The following GALNT17 variants were observed in gnomAD, a reference collection of about 807,000 sequenced individuals.
GALNT17 encodes polypeptide N-acetylgalactosaminyltransferase 17, also known as UDP-GalNAc:polypeptide N-acetylgalactosaminyltransferase-like 3.
In GALNT17, 29 loss-of-function variants were observed where a neutral mutation model predicts 63.7. The observed-to-expected ratio is 0.46, with a 90% CI of 0.34 to 0.62. The LOEUF (loss-of-function observed/expected upper bound fraction) is 0.62. Ranked by LOEUF, GALNT17 falls within the 20% of genes least tolerant of loss-of-function variation. The pLI, the probability that GALNT17 is intolerant of heterozygous loss-of-function variation, is 0.01. For missense variants in GALNT17, 603 were observed against 799.6 expected (o/e 0.75, Z 2.97); for synonymous variants, 305 against 318.3 (o/e 0.96, Z 0.45).
At chr7:71,376,101 A>AAAAAG (rs772083867) in intron 2 of GALNT17, among the ~76,000 whole-genome samples, 1 of 141,550 alleles carries the variant, frequency 7.1e-6, no homozygotes, top group East Asian at 2.5e-4. Context: ...AAAGAAAAAG[A>AAAAAG]AAAAAAAGAA....
chr7:71,264,349 T>C (rs906130863), intron 1 of GALNT17, among the ~76,000 whole-genome samples: 1 of 152,168 alleles, frequency 6.6e-6, no homozygotes, highest in African/African-American at 2.4e-5. Flanking sequence ...TCTAGTCTTA[T>C]ATAGGCAGAT....
chr7:71,625,719 A>G (rs1790364231), intron 6 of GALNT17, among the ~76,000 whole-genome samples: 1 of 152,144 alleles, frequency 6.6e-6, no homozygotes, highest in African/African-American at 2.4e-5. Flanking sequence ...TGACTTCAGC[A>G]GTCTCCAAAG....
At chr7:71,601,498 G>A (rs1324897305) in intron 6 of GALNT17, among the ~76,000 whole-genome samples, 1 of 152,100 alleles carries the variant, frequency 6.6e-6, no homozygotes, top group Non-Finnish European at 1.5e-5. Flanking sequence ...GAGGGGGTGA[G>A]TTGGTAGAAA....
At chr7:71,504,518 ATTTACATAT>A (rs916075217) in intron 5 of GALNT17, among the ~76,000 whole-genome samples, 4 of 152,260 alleles carry the variant, frequency 2.6e-5, no homozygotes, top group African/African-American at 9.6e-5. Flanking sequence ...TGGTTTACTT[ATTTACATAT>A]TTTACATAGT....
chr7:71,573,286 A>G (rs1789481053), intron 6 of GALNT17, among the ~76,000 whole-genome samples: 2 of 151,850 alleles, frequency 1.3e-5, no homozygotes, highest in Non-Finnish European at 2.9e-5. Flanking sequence ...CTGGGATTAC[A>G]GACATGAGCT....
intron 5 of GALNT17, among the ~76,000 whole-genome samples, chr7:71,504,917 C>A (rs749987684): frequency 5.3e-5 from 8 of 152,150 alleles, no homozygotes; most frequent in Non-Finnish European, 7.3e-5. Context: ...TCCCCTGGGT[C>A]TCTCTGCTGT....
chr7:71,706,272 C>CCTGCATGG (rs964427803), intron 9 of GALNT17, among the ~76,000 whole-genome samples: 1 of 152,174 alleles, frequency 6.6e-6, no homozygotes, highest in East Asian at 1.9e-4. Flanking sequence ...CCCAGCCTAC[C>CCTGCATGG]CTGCATGGCT....
chr7:71,603,822 G>A (rs1346686916), intron 6 of GALNT17, among the ~76,000 whole-genome samples: 11 of 152,118 alleles, frequency 7.2e-5, no homozygotes, highest in Non-Finnish European at 1.6e-4. Context: ...TATGCTAAGT[G>A]CATACACTGG....
Position 71,356,372 on chromosome 7 carries a change from C to T in GALNT17, c.422+20639C>T, listed in dbSNP as rs531545562. ...TGTCTGTGTTGCTGTCAAGGAATAC[C>T]TGAGGTTGGATAATTTATAAAGAAA... On this transcript the variant is annotated intron_variant, in intron 2 of 10. Transcript: ENST00000333538. Among the ~76,000 whole-genome samples the T allele has an allele frequency of 7.4e-4, 112 of 151,630 alleles. 1 individual carries two copies. The highest frequency in any genetic ancestry group is 2.7e-3 in the African/African-American group (112 of 41,488).
At chr7:71,296,533 T>C (rs1292413707) in intron 1 of GALNT17, among the ~76,000 whole-genome samples, 2 of 151,846 alleles carry the variant, frequency 1.3e-5, no homozygotes, top group South Asian at 2.1e-4. Flanking sequence ...GGAGAATCAC[T>C]TGAACCCAGG....
At chr7:71,593,643 G>A (rs957652334) in intron 6 of GALNT17, among the ~76,000 whole-genome samples, 2 of 152,110 alleles carry the variant, frequency 1.3e-5, no homozygotes, top group African/African-American at 4.8e-5. Flanking sequence ...TTCTTCAATG[G>A]AGACCCATAT....
chr7:71,609,965 T>C (rs1323062517), intron 6 of GALNT17, among the ~76,000 whole-genome samples: 3 of 152,152 alleles, frequency 2.0e-5, no homozygotes, highest in Non-Finnish European at 4.4e-5. Context: ...ATATAATTAA[T>C]AGACATTTTT....
intron 1 of GALNT17, among the ~76,000 whole-genome samples, chr7:71,303,346 G>T (rs1333795408): frequency 2.0e-5 from 3 of 152,000 alleles, no homozygotes; most frequent in Non-Finnish European, 2.9e-5. Context: ...GTAGAGATGG[G>T]ATCTCGCCAT....
chr7:71,338,144 GGTAAAACCCC>G (rs964633900), intron 2 of GALNT17, among the ~76,000 whole-genome samples: 11 of 151,524 alleles, frequency 7.3e-5, no homozygotes, highest in African/African-American at 2.7e-4. Flanking sequence ...TGGCTAAGAT[GGTAAAACCCC>G]GTATCTACTA....
intron 2 of GALNT17, among the ~76,000 whole-genome samples, chr7:71,370,987 C>A (rs1170944633): frequency 6.6e-6 from 1 of 152,152 alleles, no homozygotes; most frequent in African/African-American, 2.4e-5. Flanking sequence ...TTAGTGGTAT[C>A]TGTATTTGTT....
intron 1 of GALNT17, among the ~76,000 whole-genome samples, chr7:71,217,906 T>C (rs1259512346): frequency 6.7e-6 from 1 of 149,858 alleles, no homozygotes; most frequent in East Asian, 2.0e-4. Context: ...CCAGCCTGGG[T>C]GACAGAGCTA....
At chr7:71,224,161 T>A (rs1458400310) in intron 1 of GALNT17, among the ~76,000 whole-genome samples, 1 of 152,112 alleles carries the variant, frequency 6.6e-6, no homozygotes, top group Non-Finnish European at 1.5e-5. Context: ...TTCAAGTGAT[T>A]CTCCTGCCTT....
At chr7:71,213,909 T>G (rs1481410117) in intron 1 of GALNT17, among the ~76,000 whole-genome samples, 1 of 152,244 alleles carries the variant, frequency 6.6e-6, no homozygotes, top group Non-Finnish European at 1.5e-5. Flanking sequence ...TGAACCAAAT[T>G]GCTCAGCAAA....
chr7:71,165,848 G>A lies in GALNT17; in HGVS notation c.238+32808G>A, dbSNP rs1219188588. Among the ~76,000 whole-genome samples, 4 of 152,106 alleles carry A rather than the reference G, an allele frequency of 2.6e-5. No individual in the cohort carries two copies. The East Asian group carries it at 7.7e-4, about 29-fold the overall frequency. On this transcript the variant is annotated intron_variant, in intron 1 of 10. Coordinates refer to ENST00000333538, the MANE Select transcript of GALNT17 (RefSeq NM_022479.3). ...CAAGCTAGTTCCTTAGGTTTGAAGG[G>A]CTGAGTAGGTGGAGTATGTGACTAT...
Sources: allele counts gnomAD v4.1 joint callset (sites outside exome capture counted in the v4.1 genomes callset), GRCh38; gene constraint gnomAD v4.1.1; transcripts MANE v1.5; gene names NCBI Gene and HGNC (gene_info 2026-07-23, HGNC 2026-07-21).